The following TENM3 variants were observed in gnomAD, a reference collection of about 807,000 sequenced individuals.
TENM3 encodes the protein teneurin transmembrane protein 3.
TENM3 carries 63 observed loss-of-function variants against 255.1 expected under a neutral mutation model. The ratio of observed to expected loss-of-function variants is 0.25; its 90% CI spans 0.20 to 0.30. TENM3 has a LOEUF of 0.30. TENM3 is among the 10% of genes least tolerant of loss of function. TENM3 has a pLI of 1.00. For synonymous variants in TENM3, 1,306 were observed against 1,322.3 expected, an observed-to-expected ratio of 0.99 and a Z score of 0.27; for missense variants, 2,929 against 3,461.1, an observed-to-expected ratio of 0.85 and a Z score of 3.86.
intron 24 of TENM3, among the ~76,000 whole-genome samples, chr4:182,784,598 G>A (rs1041427386): frequency 3.9e-3 from 598 of 152,034 alleles, no homozygotes; most frequent in Non-Finnish European, 6.3e-3. Flanking sequence ...CGAGCTCCCC[G>A]GCTGCTTTGT....
At chr4:182,669,035 A>G (rs1408907855) in intron 6 of TENM3, among the ~76,000 whole-genome samples, 1 of 152,178 alleles carries the variant, frequency 6.6e-6, no homozygotes, top group Non-Finnish European at 1.5e-5. Flanking sequence ...GTTAATGACA[A>G]TCAAGTATCA....
chr4:181,905,319 T>C, the TENM3 span, among the ~76,000 whole-genome samples: 1 of 152,174 alleles, frequency 6.6e-6, no homozygotes, highest in African/African-American at 2.4e-5. Flanking sequence ...ATACCAAGTA[T>C]CTACAACAGT....
At chr4:181,887,888 T>C in the TENM3 span, among the ~76,000 whole-genome samples, 46 of 152,356 alleles carry the variant, frequency 3.0e-4, 2 homozygotes, top group African/African-American at 1.1e-3. Flanking sequence ...ATTTAACTTT[T>C]GGCTATTTCA....
chr4:182,548,718 A>G (rs1204858176), intron 3 of TENM3: 1 of 152,172 alleles, frequency 6.6e-6, no homozygotes, highest in Non-Finnish European at 1.5e-5. Flanking sequence ...CGGTTTAATA[A>G]TGGATCATTG....
chr4:182,755,706 G>A (rs1015452643), intron 22 of TENM3, among the ~76,000 whole-genome samples: 10 of 152,132 alleles, frequency 6.6e-5, no homozygotes, highest in African/African-American at 1.9e-4. Context: ...CGGGCGTGGT[G>A]GCGGGCGCCT....
At chr4:182,441,869 G>A (rs926579977) in intron 3 of TENM3, among the ~76,000 whole-genome samples, 1 of 152,194 alleles carries the variant, frequency 6.6e-6, no homozygotes, top group Non-Finnish European at 1.5e-5. Flanking sequence ...AAGACACTAT[G>A]CCAAATGTTA....
the TENM3 span, among the ~76,000 whole-genome samples, chr4:182,072,358 C>T: frequency 5.9e-5 from 9 of 152,268 alleles, no homozygotes; most frequent in African/African-American, 2.2e-4. Context: ...TCAGTGCTGA[C>T]TCATAGGGTA....
Position 182,453,034 on chromosome 4 carries a change from A to G in TENM3, c.511+106105A>G, listed in dbSNP as rs980204229. Among the ~76,000 whole-genome samples the G allele has an allele frequency of 5.9e-5, 9 of 152,176 alleles. No homozygotes were observed. In the East Asian group the frequency reaches 1.4e-3, roughly 23 times the overall value. ...AGATTATTTTTATATGTGTATATAT[A>G]TATATATATGCATACATATATAGCA... is the stretch of plus-strand genomic sequence containing the variant. On this transcript the variant is annotated intron_variant, in intron 3 of 27. Coordinates refer to ENST00000511685, the MANE Select transcript of TENM3 (RefSeq NM_001080477.4).
chr4:182,435,360 A>G (rs1771968116), intron 3 of TENM3, among the ~76,000 whole-genome samples: 1 of 152,130 alleles, frequency 6.6e-6, no homozygotes, highest in Non-Finnish European at 1.5e-5. Context: ...TTCTTCTGTG[A>G]CTTGACTTGT....
chr4:182,138,975 C>A, the TENM3 span, among the ~76,000 whole-genome samples: 1 of 152,114 alleles, frequency 6.6e-6, no homozygotes, highest in African/African-American at 2.4e-5. Context: ...TTATGACATA[C>A]CCCTGTTTAA....
the TENM3 span, among the ~76,000 whole-genome samples, chr4:181,765,457 C>A: frequency 6.6e-6 from 1 of 152,102 alleles, no homozygotes; most frequent in Non-Finnish European, 1.5e-5. Flanking sequence ...TGCAACAACC[C>A]GCTATGAATC....
At chr4:182,494,748 A>G (rs970417103) in intron 3 of TENM3, among the ~76,000 whole-genome samples, 3 of 152,124 alleles carry the variant, frequency 2.0e-5, no homozygotes, top group Non-Finnish European at 4.4e-5. Flanking sequence ...TGAATATATT[A>G]TATTTGTGTT....
At chr4:181,561,629 G>A in the TENM3 span, among the ~76,000 whole-genome samples, 1 of 151,828 alleles carries the variant, frequency 6.6e-6, no homozygotes, top group Non-Finnish European at 1.5e-5. Flanking sequence ...GTTTTCTTTT[G>A]AACAACATGA....
At chr4:181,559,639 A>G in the TENM3 span, among the ~76,000 whole-genome samples, 1 of 152,254 alleles carries the variant, frequency 6.6e-6, no homozygotes, top group African/African-American at 2.4e-5. Flanking sequence ...TAAGTGTTCA[A>G]GAAGCATTAG....
chr4:181,887,372 A>G, the TENM3 span, among the ~76,000 whole-genome samples: 1 of 152,226 alleles, frequency 6.6e-6, no homozygotes, highest in Non-Finnish European at 1.5e-5. Context: ...GACAAAATAC[A>G]TTAGATTTCT....
chr4:182,387,324 G>A (rs1768021478), intron 3 of TENM3, among the ~76,000 whole-genome samples: 1 of 152,154 alleles, frequency 6.6e-6, no homozygotes, highest in Non-Finnish European at 1.5e-5. Context: ...GAACCTGTGT[G>A]TCCTTGGAGA....
the TENM3 span, among the ~76,000 whole-genome samples, chr4:181,842,658 A>G: frequency 6.6e-6 from 1 of 152,226 alleles, no homozygotes; most frequent in African/African-American, 2.4e-5. Flanking sequence ...GAGCATAATC[A>G]CAATTGTTTA....
At chr4:182,638,208 G>C (rs576245376) in intron 5 of TENM3, among the ~76,000 whole-genome samples, 1 of 151,904 alleles carries the variant, frequency 6.6e-6, no homozygotes, top group East Asian at 1.9e-4. Context: ...TTCAGATAAC[G>C]TACATGCATG....
intron 4 of TENM3, among the ~76,000 whole-genome samples, chr4:182,608,646 C>T (rs1036584691): frequency 1.3e-4 from 20 of 152,004 alleles, no homozygotes; most frequent in African/African-American, 4.3e-4. Context: ...TCCGCGGCGG[C>T]GGGGAGGGAT....
Sources: allele counts gnomAD v4.1 joint callset (sites outside exome capture counted in the v4.1 genomes callset), GRCh38; gene constraint gnomAD v4.1.1; transcripts MANE v1.5; gene names NCBI Gene and HGNC (gene_info 2026-07-23, HGNC 2026-07-21).